CCM2L: variants seen among roughly 807,000 people sequenced by gnomAD.
CCM2L encodes CCM2 like scaffold protein, also known as cerebral cavernous malformations 2 protein-like.
In CCM2L, 36 loss-of-function variants were observed where a neutral mutation model predicts 54.1. The observed-to-expected ratio is 0.67, with a 90% confidence interval of 0.51 to 0.88. CCM2L has a LOEUF of 0.88. Among genes scored for constraint, CCM2L ranks in the 40% least tolerant of loss-of-function variants. The probability of loss-of-function intolerance (pLI) is 0.00; values close to 1 mark genes in which losing one functional copy is unlikely to be tolerated. For synonymous variants in CCM2L, 351 were observed against 359.3 expected (o/e 0.98, Z 0.26); for missense variants, 700 against 812.1 (o/e 0.86, Z 1.68).
At chr20:32,024,943 C>T (rs1017880626) in intron 6 of CCM2L, among the ~76,000 whole-genome samples, 1 of 152,266 alleles carries the variant, frequency 6.6e-6, no homozygotes, top group Admixed American at 6.5e-5. Context: ...GGCTAATAAC[C>T]AGCTAAATGA....
rs1345165240 is a variant in CCM2L, at chr20:32,031,684, C to T, written c.*370C>T. On this transcript the variant is annotated 3_prime_UTR_variant, in exon 10 of 10. Transcript: ENST00000452892. Reference sequence around the variant, plus strand: ...AGGAAGGCATGAAGAGTGGGCTCCACCTGCTGGCCGACTGAGAAAAGAATT... The same window carrying T: ...AGGAAGGCATGAAGAGTGGGCTCCATCTGCTGGCCGACTGAGAAAAGAATT... 6.0e-6 allele frequency: 1 copy of T among 166,990 alleles called. No homozygotes were observed. Among genetic ancestry groups the T allele is most frequent in the African/African-American group, 2.4e-5 (1 of 41,516 alleles). The allele number at this position is 166,990 out of a possible 1,614,324, so 10.3% of individuals were successfully genotyped here.
chr20:32,017,715 G>T, intron 2 of CCM2L, 85 bp from the exon 3 acceptor site: 3 of 1,015,342 alleles, frequency 3.0e-6, no homozygotes, highest in South Asian at 1.3e-5. Flanking sequence ...CAATCTATCC[G>T]CACTGCATCA....
intron 6 of CCM2L, among the ~76,000 whole-genome samples, 195 bp downstream of exon 6, chr20:32,022,990 CAG>C (rs898618152): frequency 9.2e-5 from 14 of 152,016 alleles, no homozygotes; most frequent in African/African-American, 3.4e-4. Context: ...TTTTTTGAGA[CAG>C]AGTCTCCCTC....
At chr20:32,018,889 G>A (rs985212843) in intron 4 of CCM2L, 54 bp from the exon 5 acceptor site, 18 of 1,250,118 alleles carry the variant, frequency 1.4e-5, no homozygotes, top group African/African-American at 7.8e-5. Context: ...CGGCGGGGCG[G>A]GGGGGTCTCT....
rs2064727028 is a variant in CCM2L, at chr20:32,014,932, T to A, written c.59T>A (p.Val20Glu). 6.2e-7 allele frequency: 1 copy of A among 1,601,282 alleles called. No individual in the cohort carries two copies. Among genetic ancestry groups the A allele is most frequent in the Non-Finnish European group, 8.5e-7 (1 of 1,173,970 alleles). Residue 20 changes from valine (V) to glutamate (E), a missense_variant, in exon 2 of 10, where the codon GTG becomes GAG. Coordinates refer to ENST00000452892, the MANE Select transcript of CCM2L (RefSeq NM_001365692.1). The stretch of plus-strand genomic sequence containing the variant: ...TTTGTATCCCCCATCCGAAGGCTGG[T>A]GTTCCCCAAGGCCGGGCGCCGGGCA... ...KGFVSPIRRLVFPKAGRRAAC... is the reference protein window; with the variant it reads ...KGFVSPIRRLEFPKAGRRAAC...
Position 32,031,267 on chromosome 20 carries a change from C to A in CCM2L, c.1669C>A (p.Arg557=). 7.7e-7 allele frequency: 1 copy of A among 1,295,866 alleles called. No individual in the cohort carries two copies. 80.3% of individuals were successfully genotyped at this position (1,295,866 alleles called of 1,614,324 possible). A position where few individuals can be genotyped will look rare whatever the true frequency, so the allele number is the denominator to read the frequency against. ...DDDDDDEDEP[R]GSRGGSDAAE... ...CGACGACGACGACGAGGATGAGCCC[C>A]GGGGCTCCAGGGGCGGGAGCGACGC... is the stretch of plus-strand genomic sequence containing the variant. The change falls in exon 10 of 10, where the codon CGG becomes AGG. Residue 557 remains arginine, a synonymous_variant. Coordinates refer to ENST00000452892, the MANE Select transcript of CCM2L (RefSeq NM_001365692.1).
chr20:32,015,306 G>A (rs897201838), intron 2 of CCM2L, among the ~76,000 whole-genome samples: 1 of 152,142 alleles, frequency 6.6e-6, no homozygotes, highest in Non-Finnish European at 1.5e-5. Flanking sequence ...AGTGGAGAGT[G>A]GATGGGAGAG....
chr20:32,015,002 C>T lies in CCM2L; in HGVS notation c.129C>T (p.Pro43=). 1 of 1,577,044 alleles carries T rather than the reference C, an allele frequency of 6.3e-7. No homozygotes were observed. The highest frequency in any genetic ancestry group is 8.6e-7 in the Non-Finnish European group (1 of 1,164,110). The change falls in exon 2 of 10, where the codon CCC becomes CCT. Residue 43 remains proline (P), a synonymous_variant. Coordinates refer to ENST00000452892, the MANE Select transcript of CCM2L (RefSeq NM_001365692.1). ...GCCGCCGGCCCCTGCACTCGATGCC[C>T]CTTTATCCCCCCGACTACCTCATCG... The part of the protein sequence containing the change: ...SVSRRPLHSM[P]LYPPDYLIDP...
intron 6 of CCM2L, among the ~76,000 whole-genome samples, chr20:32,025,118 C>CCTTT (rs957173127): frequency 1.3e-5 from 2 of 149,356 alleles, no homozygotes; most frequent in African/African-American, 2.5e-5. Flanking sequence ...TTCCCCTTCC[C>CCTTT]CTTTCTTTCT....
chr20:32,021,937 T>C (rs2064809983), intron 5 of CCM2L, among the ~76,000 whole-genome samples: 1 of 152,228 alleles, frequency 6.6e-6, no homozygotes, highest in African/African-American at 2.4e-5. Context: ...CTTTGGGCTT[T>C]TTTATTTTTA....
Position 32,019,109 on chromosome 20 carries a change from C to T in CCM2L, c.633C>T (p.Ala211=), listed in dbSNP as rs1390274683. 1 of 1,169,212 alleles carries T rather than the reference C, an allele frequency of 8.6e-7. No individual in the cohort carries two copies. Among genetic ancestry groups the T allele is most frequent in the East Asian group, 3.9e-5 (1 of 25,766 alleles). 72.4% of individuals were successfully genotyped at this position (1,169,212 alleles called of 1,614,324 possible). A position where few individuals can be genotyped will look rare whatever the true frequency, so the allele number is the denominator to read the frequency against. The change falls in exon 5 of 10, where the codon GCC becomes GCT. Residue 211 remains alanine (A), a synonymous_variant. Coordinates refer to ENST00000452892, the MANE Select transcript of CCM2L (RefSeq NM_001365692.1). ...GGCGGATGGGGTGGGGTGGGGGCGCCGCGGAGGCCCGGGCCGGGGGAGGCG... is the reference window on the plus strand; with the variant it reads ...GGCGGATGGGGTGGGGTGGGGGCGCTGCGGAGGCCCGGGCCGGGGGAGGCG... ...LDWRMGWGGG[A]AEARAGGGGG...
chr20:32,030,313 G>A (rs1235067907), intron 9 of CCM2L, among the ~76,000 whole-genome samples: 3 of 152,106 alleles, frequency 2.0e-5, no homozygotes, highest in Admixed American at 2.0e-4. Context: ...CCATTTTGCA[G>A]GTGAGGAAAC....
rs139631050 is a variant in CCM2L, at chr20:32,025,353, C to T, written c.1070-503C>T. On this transcript the variant is annotated intron_variant, in intron 6 of 9. Transcript: ENST00000452892. Reference sequence around the variant, plus strand: ...GTACAATCACGGCTCTCTGCAGCCTCGACCTCCCAGGCCCAAGCAGTCCTT... The same window carrying T: ...GTACAATCACGGCTCTCTGCAGCCTTGACCTCCCAGGCCCAAGCAGTCCTT... Among the ~76,000 whole-genome samples the T allele has an allele frequency of 4.9e-3, 750 of 151,818 alleles. 7 individuals carry two copies. The highest frequency in any genetic ancestry group is 0.016 in the African/African-American group (650 of 41,364).
intron 1 of CCM2L, among the ~76,000 whole-genome samples, chr20:32,014,082 G>T (rs552704496): frequency 6.6e-6 from 1 of 151,968 alleles, no homozygotes; most frequent in African/African-American, 2.4e-5. Flanking sequence ...TTTTATGCAG[G>T]TGCCTCTGGA....
rs545351909 is a variant in CCM2L, at chr20:32,023,735, G to C, written c.1069+940G>C. Reference sequence around the variant, plus strand: ...CGTTTGGTTGGTTTTTGTTGTTGTTGTTGTTTGTTTGTTTGAGACGGAGTC... The same window carrying C: ...CGTTTGGTTGGTTTTTGTTGTTGTTCTTGTTTGTTTGTTTGAGACGGAGTC... On this transcript the variant is annotated intron_variant, in intron 6 of 9. Transcript: ENST00000452892. Among the ~76,000 whole-genome samples, 5 of 152,244 alleles carry C rather than the reference G, an allele frequency of 3.3e-5. No homozygotes were observed. In the South Asian group the frequency reaches 1.0e-3, roughly 32 times the overall value.
chr20:32,031,386 C>T lies in CCM2L; in HGVS notation c.*72C>T. 8.6e-7 allele frequency: 1 copy of T among 1,166,614 alleles called. No homozygotes were observed. The highest frequency in any genetic ancestry group is 1.6e-5 in the African/African-American group (1 of 61,982). The allele number at this position is 1,166,614 out of a possible 1,614,324, so 72.3% of individuals were successfully genotyped here. ...TCAGCTTTGCTTCGGGGACCCTATC[C>T]CCAGGGCCCCCCCATCACACCTGGC... On this transcript the variant is annotated 3_prime_UTR_variant, in exon 10 of 10. Transcript: ENST00000452892.
At position 32,031,896 on chromosome 20, in the gene CCM2L, T is replaced by G. The variant is rs1568931480; in HGVS notation, c.*582T>G. 1 of 152,192 alleles carries G rather than the reference T, an allele frequency of 6.6e-6. No homozygotes were observed. The highest frequency in any genetic ancestry group is 2.4e-5 in the African/African-American group (1 of 41,418). The allele number at this position is 152,192 out of a possible 1,614,324, so 9.4% of individuals were successfully genotyped here. A position where few individuals can be genotyped will look rare whatever the true frequency, so the allele number is the denominator to read the frequency against. ...CCTGATGCCTGACTTGTACAGTCAG[T>G]GTGGAGTAGACGGTTTCCTCCACCC... On this transcript the variant is annotated 3_prime_UTR_variant, in exon 10 of 10. Coordinates refer to ENST00000452892, the MANE Select transcript of CCM2L (RefSeq NM_001365692.1).
rs2064929452 is a variant in CCM2L at position 32,031,538 on chromosome 20, G to C, written c.*224G>C. The stretch of plus-strand genomic sequence containing the variant: ...CTGAAGTCCGGGGCAGTCACCCGGG[G>C]CTCCTGGGCCGCTCTGCCGGGCTGG... On this transcript the variant is annotated 3_prime_UTR_variant, in exon 10 of 10. Transcript: ENST00000452892. The C allele has an allele frequency of 3.2e-6, 1 of 310,178 alleles. No homozygotes were observed. The highest frequency in any genetic ancestry group is 2.8e-5 in the South Asian group (1 of 35,274). 19.2% of individuals were successfully genotyped at this position (310,178 alleles called of 1,614,324 possible).
intron 4 of CCM2L, among the ~76,000 whole-genome samples, 189 bp from the exon 5 acceptor site, chr20:32,018,754 T>C (rs1185840368): frequency 2.0e-5 from 3 of 151,028 alleles, no homozygotes; most frequent in African/African-American, 7.3e-5. Flanking sequence ...GGGTGGAGAC[T>C]GAGGCCGGGG....
Sources: gnomAD v4.1 joint callset for allele counts (sites outside exome capture counted in the v4.1 genomes callset) on GRCh38, gnomAD v4.1.1 for gene constraint, MANE v1.5 for transcripts, NCBI Gene and HGNC (gene_info 2026-07-23, HGNC 2026-07-21) for gene names.